TBC1D5: variants seen among roughly 807,000 people sequenced by gnomAD.
TBC1D5 encodes TBC1 domain family member 5, also known as TBC1 domain family, member 5.
Under a neutral mutation model 100.3 loss-of-function variants are expected in TBC1D5, and 75 were observed. The observed-to-expected ratio is 0.75, with a 90% CI of 0.62 to 0.91. The LOEUF (loss-of-function observed/expected upper bound fraction) is 0.91, where lower values mean the gene tolerates loss of function less well. Among genes scored for constraint, TBC1D5 ranks in the 40% least tolerant of loss-of-function variants. The pLI, the probability that TBC1D5 is intolerant of heterozygous loss-of-function variation, is 0.00. For missense variants in TBC1D5, 910 were observed against 942.4 expected (o/e 0.97, Z 0.45); for synonymous variants, 323 against 325.6 (o/e 0.99, Z 0.09).
intron 1 of TBC1D5, among the ~76,000 whole-genome samples, chr3:17,636,854 C>T (rs1236337280): frequency 2.6e-5 from 4 of 151,768 alleles, no homozygotes; most frequent in Non-Finnish European, 4.4e-5. Context: ...AACTGACAGA[C>T]CTTACCAACA....
chr3:17,531,067 T>C (rs1055717199), intron 2 of TBC1D5, among the ~76,000 whole-genome samples: 6 of 152,222 alleles, frequency 3.9e-5, no homozygotes, highest in African/African-American at 1.2e-4. Flanking sequence ...GATGACATGA[T>C]TGTATATCTA....
At position 17,271,023 on chromosome 3, in the gene TBC1D5, T is replaced by C. The variant is rs182641865; in HGVS notation, c.1246-12432A>G. 1.8e-3 allele frequency among the ~76,000 whole-genome samples: 274 copies of C among 152,320 alleles called. 1 individual carries two copies. The highest frequency in any genetic ancestry group is 6.2e-3 in the African/African-American group (259 of 41,576). On this transcript the variant is annotated intron_variant, in intron 15 of 21. Transcript: ENST00000253692. ...TGCTGTTATGCTTACTGTGGCCTTG[T>C]AGTATAGTTTGAAGTCAGGTAATGT...
At chr3:17,642,113 A>G (rs1490303568) in intron 1 of TBC1D5, among the ~76,000 whole-genome samples, 1 of 152,144 alleles carries the variant, frequency 6.6e-6, no homozygotes, top group African/African-American at 2.4e-5. Flanking sequence ...TAATAATCTT[A>G]TAACATTTAA....
intron 1 of TBC1D5, among the ~76,000 whole-genome samples, chr3:17,687,041 T>C (rs2070388326): frequency 6.6e-6 from 1 of 152,148 alleles, no homozygotes; most frequent in African/African-American, 2.4e-5. Context: ...TGAAATATCC[T>C]GGATAAAAAA....
At chr3:17,194,184 T>C (rs1186831510) in intron 18 of TBC1D5, among the ~76,000 whole-genome samples, 3 of 152,214 alleles carry the variant, frequency 2.0e-5, no homozygotes, top group Non-Finnish European at 4.4e-5. Context: ...TAACCTTCTA[T>C]TAATATTTAC....
intron 14 of TBC1D5, among the ~76,000 whole-genome samples, chr3:17,304,054 C>G (rs541809539): frequency 6.6e-6 from 1 of 152,102 alleles, no homozygotes; most frequent in Non-Finnish European, 1.5e-5. Flanking sequence ...TTCCTCCATT[C>G]TCTGTCTTCT....
chr3:17,682,891 T>C (rs1171686368), intron 1 of TBC1D5, among the ~76,000 whole-genome samples: 1 of 151,496 alleles, frequency 6.6e-6, no homozygotes, highest in East Asian at 1.9e-4. Flanking sequence ...ACTTATGGCA[T>C]TCATACCAAT....
chr3:17,581,488 A>G (rs2096696239), intron 2 of TBC1D5, among the ~76,000 whole-genome samples: 1 of 152,164 alleles, frequency 6.6e-6, no homozygotes, highest in Non-Finnish European at 1.5e-5. Flanking sequence ...TCTCCCAGAA[A>G]TGTACTCCTT....
chr3:17,419,724 G>A (rs1037686995), intron 4 of TBC1D5, among the ~76,000 whole-genome samples: 1 of 152,198 alleles, frequency 6.6e-6, no homozygotes, highest in Non-Finnish European at 1.5e-5. Flanking sequence ...CACCAAGGCT[G>A]GAGTGCAGTG....
chr3:17,726,968 C>T (rs1414947705), intron 1 of TBC1D5, among the ~76,000 whole-genome samples: 1 of 152,178 alleles, frequency 6.6e-6, no homozygotes, highest in Non-Finnish European at 1.5e-5. Context: ...ACAGATCAAT[C>T]CTATTATACG....
intron 3 of TBC1D5, among the ~76,000 whole-genome samples, chr3:17,501,913 C>A (rs1186373897): frequency 6.7e-6 from 1 of 149,804 alleles, no homozygotes; most frequent in Admixed American, 6.6e-5. Context: ...CAGATCTTCA[C>A]ATGCTTCGCC....
intron 3 of TBC1D5, among the ~76,000 whole-genome samples, chr3:17,437,562 A>ATGTGTGTG (rs60714048): frequency 7.1e-6 from 1 of 139,954 alleles, no homozygotes; most frequent in African/African-American, 2.6e-5. Context: ...GGTAGTATGC[A>ATGTGTGTG]TGTGTGTGTG....
At chr3:17,578,643 C>G (rs968153945) in intron 2 of TBC1D5, among the ~76,000 whole-genome samples, 1 of 151,978 alleles carries the variant, frequency 6.6e-6, no homozygotes, top group Non-Finnish European at 1.5e-5. Context: ...CTTGAGCTGA[C>G]AATCTCCCCT....
chr3:17,600,166 T>C (rs140073397), intron 2 of TBC1D5, among the ~76,000 whole-genome samples: 28 of 152,336 alleles, frequency 1.8e-4, no homozygotes, highest in Admixed American at 5.9e-4. Context: ...TCCAAATGAA[T>C]ACGCTCTCTT....
intron 17 of TBC1D5, among the ~76,000 whole-genome samples, chr3:17,227,820 C>T (rs932926991): frequency 1.3e-5 from 2 of 151,418 alleles, no homozygotes; most frequent in Admixed American, 1.3e-4. Flanking sequence ...ATATAACAAG[C>T]CTGCACATGT....
chr3:17,706,575 A>G (rs555427652), intron 1 of TBC1D5, among the ~76,000 whole-genome samples: 1 of 152,272 alleles, frequency 6.6e-6, no homozygotes, highest in Admixed American at 6.5e-5. Flanking sequence ...TTTTTTCAAC[A>G]ATTAAGGATT....
Position 17,234,355 on chromosome 3 carries a change from G to C in TBC1D5, c.1588+3808C>G, listed in dbSNP as rs191989415. ...GTAGGCAAGATTTCATTTACAAATT[G>C]GACTTATAGTAAGTGCTTAAAATAA... On this transcript the variant is annotated intron_variant, in intron 17 of 21. Coordinates refer to ENST00000253692, the Ensembl canonical transcript of TBC1D5. Among the ~76,000 whole-genome samples, 4 of 151,548 alleles carry C rather than the reference G, an allele frequency of 2.6e-5. No homozygotes were observed. The East Asian group carries it at 7.7e-4, about 29-fold the overall frequency.
chr3:17,667,548 C>A (rs959116315), intron 1 of TBC1D5, among the ~76,000 whole-genome samples: 1 of 151,846 alleles, frequency 6.6e-6, no homozygotes, highest in East Asian at 1.9e-4. Flanking sequence ...ACCTCCCAGG[C>A]TCAAGTGATC....
chr3:17,544,304 A>G (rs1342784956), intron 2 of TBC1D5, among the ~76,000 whole-genome samples: 2 of 152,222 alleles, frequency 1.3e-5, no homozygotes, highest in Non-Finnish European at 2.9e-5. Context: ...TCACTGTATT[A>G]CAAGTATAAT....
Sources: allele counts gnomAD v4.1 joint callset (sites outside exome capture counted in the v4.1 genomes callset), GRCh38; gene constraint gnomAD v4.1.1; transcripts MANE v1.5; gene names NCBI Gene and HGNC (gene_info 2026-07-23, HGNC 2026-07-21).